The following ZNF749 variants were observed in gnomAD, a reference collection of about 807,000 sequenced individuals.
The protein encoded by ZNF749 is zinc finger protein 749.
Under a neutral mutation model 7.3 loss-of-function variants are expected in ZNF749, and 8 were observed. That is an observed-to-expected ratio of 1.10 (90% CI 0.64 to 1.98). ZNF749 has a LOEUF of 1.98. ZNF749 is among the 30% of genes most tolerant of loss of function. ZNF749 has a pLI of 0.00. For missense variants in ZNF749, 898 were observed against 932.4 expected, an observed-to-expected ratio of 0.96 and a Z score of 0.48; for synonymous variants, 310 against 322.4, an observed-to-expected ratio of 0.96 and a Z score of 0.41.
chr19:57,435,421 G>A lies in ZNF749; in HGVS notation c.-158G>A. 1 of 1,118,852 alleles carries A rather than the reference G, an allele frequency of 8.9e-7. No individual in the cohort carries two copies. The highest frequency in any genetic ancestry group is 1.3e-6 in the Non-Finnish European group (1 of 772,768). The allele number at this position is 1,118,852 out of a possible 1,614,324, so 69.3% of individuals were successfully genotyped here. On this transcript the variant is annotated 5_prime_UTR_variant, in exon 1 of 3. Transcript: ENST00000334181. Reference sequence around the variant, plus strand: ...CAGAGCTCTGGGTCGGGACTGAGGTGAAAGAGCGGAAAAACGCGAGAAGCG... The same window carrying A: ...CAGAGCTCTGGGTCGGGACTGAGGTAAAAGAGCGGAAAAACGCGAGAAGCG...
In ZNF749 at chr19:57,443,662, G is replaced by A. The variant is rs1350804861; in HGVS notation, c.514G>A (p.Val172Ile). The A allele has an allele frequency of 6.2e-7, 1 of 1,614,164 alleles. No individual in the cohort carries two copies. Among genetic ancestry groups the A allele is most frequent in the Non-Finnish European group, 8.5e-7 (1 of 1,180,002 alleles). The change falls in exon 3 of 3, where the codon GTC becomes ATC. Residue 172 changes from valine to isoleucine, a missense_variant. By Grantham distance (29) the Val-to-Ile change is conservative (BLOSUM62 3). Transcript: ENST00000334181. ...TASSDLLQQQ[V>I]LNSGWKLYRD... ...CAGCTCAGACCTTCTCCAGCAACAGGTCTTAAACAGTGGGTGGAAGCTGTA... is the reference window on the plus strand; with the variant it reads ...CAGCTCAGACCTTCTCCAGCAACAGATCTTAAACAGTGGGTGGAAGCTGTA...
At position 57,436,326 on chromosome 19, in the gene ZNF749, A is replaced by G. The variant is rs879689229; in HGVS notation, c.15+733A>G. Among the ~76,000 whole-genome samples the G allele has an allele frequency of 6.6e-6, 1 of 152,146 alleles. No homozygotes were observed. The highest frequency in any genetic ancestry group is 1.5e-5 in the Non-Finnish European group (1 of 68,030). ...GCTGGCCTGGAGCTTTAAATGAGTT[A>G]GAAGTTGTGCACTTGAGAAGTTGGC... On this transcript the variant is annotated intron_variant, in intron 1 of 2. Transcript: ENST00000334181. This position sits in a 1 kb window ranked among gnomAD's most constrained non-coding sequence, Gnocchi z 4.0.
chr19:57,431,048 A>AG (rs1442083464), upstream of ZNF749, among the ~76,000 whole-genome samples: 1 of 151,800 alleles, frequency 6.6e-6, no homozygotes, highest in African/African-American at 2.4e-5. Context: ...CAAAAAAAAA[A>AG]AAAAAAAAAG....
At chr19:57,430,637 C>T (rs1018490725), upstream of ZNF749, among the ~76,000 whole-genome samples, 1 of 152,098 alleles carries the variant, frequency 6.6e-6, no homozygotes, top group Admixed American at 6.5e-5. Flanking sequence ...ACATACTTGG[C>T]TCTTGAAAGC....
At chr19:57,429,576 C>T in the ZNF749 span, among the ~76,000 whole-genome samples, 1 of 152,182 alleles carries the variant, frequency 6.6e-6, no homozygotes, top group South Asian at 2.1e-4. The surrounding 1 kb of genome is among the most constrained non-coding windows in gnomAD (Gnocchi z 4.2). Context: ...ATCCTGGGCT[C>T]AAGAGATCCT....
rs748451848 is a variant in ZNF749, at chr19:57,436,396, T to C, written c.15+803T>C. ...GGAAGAATCCTACATCGTTTTTTCA[T>C]ATGGGCTGAGGTAGGGGAGGGCTCA... On this transcript the variant is annotated intron_variant, in intron 1 of 2. Transcript: ENST00000334181. This position sits in a 1 kb window ranked among gnomAD's most constrained non-coding sequence, Gnocchi z 4.0. 5.3e-5 allele frequency among the ~76,000 whole-genome samples: 8 copies of C among 152,104 alleles called. No homozygotes were observed. The highest frequency in any genetic ancestry group is 7.4e-5 in the Non-Finnish European group (5 of 68,018).
chr19:57,445,245 T>A lies in ZNF749; in HGVS notation c.2097T>A (p.Ser699Arg). The A allele has an allele frequency of 6.2e-7, 1 of 1,614,004 alleles. No homozygotes were observed. The highest frequency in any genetic ancestry group is 1.6e-4 in the Middle Eastern group (1 of 6,062). Residue 699 changes from serine (S) to arginine (R), a missense_variant, in exon 3 of 3, where the codon AGT (serine) becomes AGA (arginine). Coordinates refer to ENST00000334181, the MANE Select transcript of ZNF749 (RefSeq NM_001023561.4). Reference sequence around the variant, plus strand: ...CTGGGGAGAAGCCTCATGAGTGCAGTAAATGTAGGGAATTGTTTAGGACTA... The same window carrying A: ...CTGGGGAGAAGCCTCATGAGTGCAGAAAATGTAGGGAATTGTTTAGGACTA... The part of the protein sequence containing the change: ...VCTGEKPHEC[S>R]KCRELFRTKS...
rs1457922746 is a variant in ZNF749, at chr19:57,443,810, A to G, written c.662A>G (p.Glu221Gly). The change falls in exon 3 of 3, where the codon GAG becomes GGG. Residue 221 changes from glutamate (E) to glycine (G), a missense_variant. Coordinates refer to ENST00000334181, the MANE Select transcript of ZNF749 (RefSeq NM_001023561.4). ...LFEHQKTHNGERPYEFSECGE... is the reference protein window; with the variant it reads ...LFEHQKTHNGGRPYEFSECGE... ...GAGCACCAAAAAACCCATAATGGGG[A>G]GAGGCCTTATGAGTTCAGTGAATGT... 1 of 1,614,106 alleles carries G rather than the reference A, an allele frequency of 6.2e-7. No homozygotes were observed. Among genetic ancestry groups the G allele is most frequent in the Admixed American group, 1.7e-5 (1 of 60,012 alleles).
chr19:57,435,504 C>A lies in ZNF749; in HGVS notation c.-75C>A. ...TCGGCTGAGTCGGCTGCAGGCGCCC[C>A]TGCCTCCGTCAGCGTCCAGGTGACC... On this transcript the variant is annotated 5_prime_UTR_variant, in exon 1 of 3. It adds an upstream start codon to the 5' untranslated region. Coordinates refer to ENST00000334181, the MANE Select transcript of ZNF749 (RefSeq NM_001023561.4). 1.3e-6 allele frequency: 2 copies of A among 1,553,684 alleles called. No homozygotes were observed. The highest frequency in any genetic ancestry group is 1.7e-6 in the Non-Finnish European group (2 of 1,151,942).
chr19:57,432,014 G>A (rs1338814048), upstream of ZNF749, among the ~76,000 whole-genome samples: 2 of 151,892 alleles, frequency 1.3e-5, no homozygotes, highest in Non-Finnish European at 2.9e-5. Flanking sequence ...GGAGTTTTTA[G>A]TAAAGATGGG....
At chr19:57,431,968 G>A (rs142283331), upstream of ZNF749, among the ~76,000 whole-genome samples, 97 of 152,120 alleles carry the variant, frequency 6.4e-4, no homozygotes, top group African/African-American at 2.2e-3. Context: ...GATTATAGGC[G>A]CATGCCTGGC....
the ZNF749 span, among the ~76,000 whole-genome samples, chr19:57,429,645 A>T: frequency 1.3e-5 from 2 of 151,640 alleles, no homozygotes; most frequent in Admixed American, 1.3e-4. This position sits in a 1 kb window ranked among gnomAD's most constrained non-coding sequence, Gnocchi z 4.2. Flanking sequence ...TGCCTGGTGA[A>T]TTTTTTTTAT....
chr19:57,433,729 T>G (rs1324230752), upstream of ZNF749, among the ~76,000 whole-genome samples: 3 of 152,120 alleles, frequency 2.0e-5, no homozygotes, highest in African/African-American at 7.2e-5. Context: ...TTTTGGTCTT[T>G]TCTTTGTTCT....
intron 1 of ZNF749, chr19:57,438,383 T>G (rs768160480): frequency 1.4e-5 from 4 of 284,286 alleles, no homozygotes; most frequent in Non-Finnish European, 2.6e-5. Flanking sequence ...TGGAGGGCTG[T>G]GGAAGCTCAG....
At chr19:57,435,961 A>T (rs897775592) in intron 1 of ZNF749, among the ~76,000 whole-genome samples, 12 of 152,128 alleles carry the variant, frequency 7.9e-5, no homozygotes, top group African/African-American at 2.7e-4. Flanking sequence ...AGTTGGGGAA[A>T]ACAGGATGTT....
At chr19:57,432,586 G>GC (rs1243473956), upstream of ZNF749, among the ~76,000 whole-genome samples, 56 of 140,182 alleles carry the variant, frequency 4.0e-4, 2 homozygotes, top group African/African-American at 9.5e-4. Context: ...AAAAAAAAAG[G>GC]TGGGGGGGAC....
chr19:57,446,258 G>C lies in ZNF749; in HGVS notation c.*773G>C, dbSNP rs547993032. On this transcript the variant is annotated 3_prime_UTR_variant, in exon 3 of 3. Transcript: ENST00000334181. ...GTGAACTGTGCCTGTGAGGGATCTAGGTTGTGTGCTCCTTATGAGAATCTA... is the reference window on the plus strand; with the variant it reads ...GTGAACTGTGCCTGTGAGGGATCTACGTTGTGTGCTCCTTATGAGAATCTA... Among the ~76,000 whole-genome samples the C allele has an allele frequency of 7.2e-5, 11 of 152,244 alleles. No individual in the cohort carries two copies. The highest frequency in any genetic ancestry group is 2.6e-4 in the African/African-American group (11 of 41,548).
Position 57,441,910 on chromosome 19 carries a change from C to T in ZNF749, c.41C>T (p.Ala14Val), listed in dbSNP as rs2088993808. ...TEDCMVFEDV[A>V]IYFSQEEWGI... ...GATTGTATGGTCTTTGAGGATGTGG[C>T]CATATATTTCTCCCAAGAGGAATGG... is the stretch of plus-strand genomic sequence containing the variant. Residue 14 changes from alanine (A) to valine (V), a missense_variant, in exon 2 of 3, where the codon GCC becomes GTC. By Grantham distance (64) the Ala-to-Val change is moderately conservative. Transcript: ENST00000334181. 1.9e-6 allele frequency: 3 copies of T among 1,613,910 alleles called. No homozygotes were observed. The highest frequency in any genetic ancestry group is 1.3e-5 in the African/African-American group (1 of 74,878).
chr19:57,444,939 C>G lies in ZNF749; in HGVS notation c.1791C>G (p.Tyr597Ter). 1 of 1,612,428 alleles carries G rather than the reference C, an allele frequency of 6.2e-7. No individual in the cohort carries two copies. Among genetic ancestry groups the G allele is most frequent in the Non-Finnish European group, 8.5e-7 (1 of 1,179,528 alleles). The stretch of plus-strand genomic sequence containing the variant: ...GTGGGAAATTCTTTTTGGACAGCTA[C>G]AAACTTGTTATTCATCAGAGAATTC... ...NECGKFFLDSYKLVIHQRIHT... is the reference protein window; with the variant it reads ...NECGKFFLDS Residue 597 changes from tyrosine to a stop codon, truncating the protein, a stop_gained, in exon 3 of 3, where the codon TAC (tyrosine) becomes TAG (stop). Transcript: ENST00000334181. LOFTEE classifies it low-confidence loss of function (END_TRUNC).
Sources: allele counts gnomAD v4.1 joint callset (sites outside exome capture counted in the v4.1 genomes callset), GRCh38; gene constraint gnomAD v4.1.1; non-coding constraint Gnocchi (gnomAD v3.1); transcripts MANE v1.5; gene names NCBI Gene and HGNC (gene_info 2026-07-23, HGNC 2026-07-21).